The following DTNB variants were observed in gnomAD, a reference collection of about 807,000 sequenced individuals.
DTNB encodes dystrobrevin beta, also known as DTN-B.
Under a neutral mutation model 90.7 loss-of-function variants are expected in DTNB, and 63 were observed. The ratio of observed to expected loss-of-function variants is 0.69; its 90% CI spans 0.57 to 0.86. The LOEUF is 0.86. DTNB is among the 40% of genes least tolerant of loss of function. The pLI is 0.00. For synonymous variants in DTNB, 277 were observed against 286.7 expected, an observed-to-expected ratio of 0.97 and a Z score of 0.34; for missense variants, 744 against 807.1, an observed-to-expected ratio of 0.92 and a Z score of 0.95.
At chr2:25,470,057 G>A (rs573148311) in intron 10 of DTNB, among the ~76,000 whole-genome samples, 2 of 152,302 alleles carry the variant, frequency 1.3e-5, no homozygotes, top group South Asian at 4.1e-4. Flanking sequence ...TGCTGAGTGA[G>A]AAGCTCAGAA....
intron 3 of DTNB, among the ~76,000 whole-genome samples, chr2:25,636,183 T>C (rs2077089037): frequency 6.6e-6 from 1 of 152,192 alleles, no homozygotes; most frequent in Admixed American, 6.5e-5. Context: ...ATATTCATAT[T>C]CAATGAATAA....
chr2:25,649,044 G>A (rs1298736059), intron 2 of DTNB, among the ~76,000 whole-genome samples: 6 of 115,922 alleles, frequency 5.2e-5, no homozygotes, highest in Admixed American at 2.6e-4. Context: ...TCGCTCTGTC[G>A]CCCAGGCTGG....
At chr2:25,401,772 G>A (rs896435735) in intron 16 of DTNB, among the ~76,000 whole-genome samples, 1 of 152,148 alleles carries the variant, frequency 6.6e-6, no homozygotes, top group African/African-American at 2.4e-5. Context: ...ACACGCACAC[G>A]CAACTACAAC....
intron 7 of DTNB, among the ~76,000 whole-genome samples, chr2:25,579,434 G>A (rs998787853): frequency 6.6e-6 from 1 of 152,138 alleles, no homozygotes; most frequent in Non-Finnish European, 1.5e-5. Flanking sequence ...TCTTCCGGGG[G>A]GATAAAAGTG....
At chr2:25,659,011 C>T (rs1258900348) in intron 1 of DTNB, among the ~76,000 whole-genome samples, 2 of 151,980 alleles carry the variant, frequency 1.3e-5, no homozygotes, top group Non-Finnish European at 2.9e-5. Context: ...AATCGTCCCA[C>T]CCCTGCTTCT....
chr2:25,488,943 G>A (rs2150439406), intron 9 of DTNB, among the ~76,000 whole-genome samples: 1 of 152,350 alleles, frequency 6.6e-6, no homozygotes, highest in East Asian at 1.9e-4. Flanking sequence ...GAGCCACCAA[G>A]TCTGGCCGAA....
intron 10 of DTNB, among the ~76,000 whole-genome samples, chr2:25,465,233 G>C (rs1219054195): frequency 6.6e-6 from 1 of 152,086 alleles, no homozygotes; most frequent in African/African-American, 2.4e-5. Context: ...AAAATTAGCC[G>C]GGCGTGGTGG....
chr2:25,528,126 A>G (rs765820988), intron 9 of DTNB, among the ~76,000 whole-genome samples: 1 of 152,218 alleles, frequency 6.6e-6, no homozygotes, highest in African/African-American at 2.4e-5. Context: ...TAACAGAATA[A>G]AGAAAAAGTC....
chr2:25,521,858 C>G (rs2076194201), intron 9 of DTNB, among the ~76,000 whole-genome samples: 1 of 152,190 alleles, frequency 6.6e-6, no homozygotes. Flanking sequence ...AAGATGAATC[C>G]CAGGTGTGTG....
At chr2:25,388,922 C>T (rs1366826719) in intron 16 of DTNB, among the ~76,000 whole-genome samples, 1 of 152,050 alleles carries the variant, frequency 6.6e-6, no homozygotes, top group Non-Finnish European at 1.5e-5. Flanking sequence ...TCTCAGCTCA[C>T]TGTAACCTCC....
intron 3 of DTNB, among the ~76,000 whole-genome samples, chr2:25,631,290 AT>A (rs1244018443): frequency 6.6e-6 from 1 of 152,210 alleles, no homozygotes; most frequent in Admixed American, 6.5e-5. Flanking sequence ...GTTTTAATTC[AT>A]AAGAAAGATA....
intron 3 of DTNB, among the ~76,000 whole-genome samples, chr2:25,635,246 A>C (rs2076894980): frequency 6.6e-6 from 1 of 151,962 alleles, no homozygotes; most frequent in East Asian, 1.9e-4. Flanking sequence ...CAGCCTGGAC[A>C]ACATGGCGAA....
chr2:25,576,880 G>A lies in DTNB; in HGVS notation c.834C>T (p.Gly278=), dbSNP rs1179314630. 1.9e-6 allele frequency: 3 copies of A among 1,613,028 alleles called. No individual in the cohort carries two copies. The highest frequency in any genetic ancestry group is 2.2e-5 in the East Asian group (1 of 44,876). Residue 278 remains glycine (G), a synonymous_variant, in exon 8 of 21, where the codon GGC becomes GGT. Transcript: ENST00000406818. ...QNCFWRGHAG[G]PHSNQHQMKE... Reference sequence around the variant, plus strand: ...TCATCTGGTGCTGGTTGCTGTGAGGGCCGCCGGCATGGCCACGCCAAAAGC... The same window carrying A: ...TCATCTGGTGCTGGTTGCTGTGAGGACCGCCGGCATGGCCACGCCAAAAGC...
In DTNB at chr2:25,639,052, G is replaced by C; in HGVS notation, c.110C>G (p.Thr37Arg). ...TTGTACAAATCGTAATTTGCAGGCTGTTCTGTAAGTTGATAGTCGTATGAC... is the reference window on the plus strand; with the variant it reads ...TTGTACAAATCGTAATTTGCAGGCTCTTCTGTAAGTTGATAGTCGTATGAC... ...FDVIRLSTYR[T>R]ACKLRFVQKR... is the part of the protein sequence containing the mutation. The change falls in exon 3 of 21, where the codon ACA (threonine) becomes AGA (arginine). Residue 37 changes from threonine to arginine, a missense_variant. By Grantham distance (71) the Thr-to-Arg change is moderately conservative. Transcript: ENST00000406818. 1 of 1,593,494 alleles carries C rather than the reference G, an allele frequency of 6.3e-7. No individual in the cohort carries two copies. Among genetic ancestry groups the C allele is most frequent in the Non-Finnish European group, 8.6e-7 (1 of 1,167,580 alleles).
intron 19 of DTNB, 62 bp downstream of exon 19, chr2:25,383,774 G>A (rs749091185): frequency 3.1e-6 from 5 of 1,613,636 alleles, no homozygotes; most frequent in Non-Finnish European, 3.4e-6. Flanking sequence ...AAAGTGGGGG[G>A]CGGCTGATCC....
At position 25,506,307 on chromosome 2, in the gene DTNB, C is replaced by A. The variant is rs963061469; in HGVS notation, c.1002-23434G>T. 4.6e-5 allele frequency among the ~76,000 whole-genome samples: 7 copies of A among 152,054 alleles called. 1 individual carries two copies. Among genetic ancestry groups the A allele is most frequent in the Admixed American group, 4.6e-4 (7 of 15,288 alleles). On this transcript the variant is annotated intron_variant, in intron 9 of 20. Transcript: ENST00000406818. ...AAAAGAGAACTTGAAATGTTCCCAA[C>A]ACACAGCAATGATAAATATTCAAGG...
At chr2:25,479,494 T>C (rs1484020345) in intron 10 of DTNB, among the ~76,000 whole-genome samples, 1 of 152,228 alleles carries the variant, frequency 6.6e-6, no homozygotes, top group Non-Finnish European at 1.5e-5. Flanking sequence ...TTCAAGGAAG[T>C]ATTTAGCCTA....
chr2:25,635,734 G>A (rs564594311), intron 3 of DTNB, among the ~76,000 whole-genome samples: 1 of 152,230 alleles, frequency 6.6e-6, no homozygotes, highest in South Asian at 2.1e-4. Context: ...AGTAGAAATT[G>A]GCAAGCAGAT....
At chr2:25,641,828 TTTTG>T (rs1419301309) in intron 2 of DTNB, among the ~76,000 whole-genome samples, 7 of 152,138 alleles carry the variant, frequency 4.6e-5, no homozygotes, top group South Asian at 2.1e-4. Flanking sequence ...TCAAAGTCTT[TTTTG>T]TTTGTTTGGA....
Sources: gnomAD v4.1 joint callset for allele counts (sites outside exome capture counted in the v4.1 genomes callset) on GRCh38, gnomAD v4.1.1 for gene constraint, MANE v1.5 for transcripts, NCBI Gene and HGNC (gene_info 2026-07-23, HGNC 2026-07-21) for gene names.